Variants in FAM186A observed in about 807,000 individuals in gnomAD.
FAM186A encodes the protein protein FAM186A.
A neutral mutation model predicts 216.8 loss-of-function variants in FAM186A; 163 were observed. The observed-to-expected ratio is 0.75, with a 90% CI of 0.66 to 0.86. The LOEUF is 0.86. Ranked by LOEUF, FAM186A falls within the 40% of genes least tolerant of loss-of-function variation. FAM186A has a pLI of 0.00. For synonymous variants in FAM186A, 805 were observed against 1,025.3 expected (o/e 0.79, Z 4.10); for missense variants, 2,184 against 2,746.2 (o/e 0.80, Z 4.58).
chr12:50,373,028 AAAGAAAG>A, intron 1 of FAM186A, among the ~76,000 whole-genome samples: 1 of 148,324 alleles, frequency 6.7e-6, no homozygotes, highest in Admixed American at 6.8e-5. Context: ...AGAAAGAAAG[AAAGAAAG>A]AAAGAAAGAA....
chr12:50,346,220 G>GAGAGAAAGAAAGAAAGAAAGAAA, intron 4 of FAM186A, among the ~76,000 whole-genome samples: 1 of 46,742 alleles, frequency 2.1e-5, no homozygotes, highest in Non-Finnish European at 3.8e-5. Flanking sequence ...AGAGAGAGAA[G>GAGAGAAAGAAAGAAAGAAAGAAA]GAAAGAAAGA....
rs781622923 is a variant in FAM186A, at chr12:50,355,670, C to A, written c.1162G>T (p.Glu388Ter). 1.3e-6 allele frequency: 2 copies of A among 1,550,664 alleles called. No homozygotes were observed. Among genetic ancestry groups the A allele is most frequent in the Admixed American group, 2.0e-5 (1 of 50,758 alleles). The stretch of plus-strand genomic sequence containing the variant: ...TCCTTGGTCTCTTTTCTTTGGACTT[C>A]ATCTACAATATTTTCAAGTTCCTTG... ...LDKELENIVD[E>*]VQRKETKDSG... Residue 388 changes from glutamate (E) to a stop codon, truncating the protein, a stop_gained, in exon 4 of 8, where the codon GAA becomes TAA. Coordinates refer to ENST00000327337, the MANE Select transcript of FAM186A (RefSeq NM_001145475.3). LOFTEE classifies it high-confidence loss of function.
intron 4 of FAM186A, among the ~76,000 whole-genome samples, chr12:50,336,648 G>A (rs1942711151): frequency 1.3e-5 from 2 of 152,274 alleles, no homozygotes; most frequent in Non-Finnish European, 2.9e-5. Flanking sequence ...TCCAGGTGGA[G>A]AAATCCCATA....
chr12:50,391,896 A>G (rs1385328895), intron 1 of FAM186A, among the ~76,000 whole-genome samples: 104 of 152,308 alleles, frequency 6.8e-4, no homozygotes. Flanking sequence ...TGTTTATAGC[A>G]GCTTATTTGT....
chr12:50,382,519 G>A (rs769826963), intron 1 of FAM186A, among the ~76,000 whole-genome samples: 55 of 151,978 alleles, frequency 3.6e-4, no homozygotes, highest in Non-Finnish European at 6.5e-4. Flanking sequence ...GGCCAACATG[G>A]TGAAACCCTT....
chr12:50,331,539 G>A, intron 6 of FAM186A, 131 bp downstream of exon 6: 1 of 888,228 alleles, frequency 1.1e-6, no homozygotes. Context: ...ACCGCGCCCA[G>A]CCTAATACTC....
At position 50,353,303 on chromosome 12, in the gene FAM186A, G is replaced by A; in HGVS notation, c.3529C>T (p.Gln1177Ter). ...GGGGTGAGAGGGATCCCCAGGGCCT[G>A]GGCCTGCTGAGGGGTAAGAGGGATC... Reference protein sequence around the residue: ...LGIPLTPQQAQALGIPLTPQQ... With the variant: ...LGIPLTPQQA The change falls in exon 4 of 8, where the codon CAG (glutamine) becomes TAG (stop). Residue 1177 changes from glutamine to a stop codon, truncating the protein, a stop_gained. Coordinates refer to ENST00000327337, the MANE Select transcript of FAM186A (RefSeq NM_001145475.3). LOFTEE classifies it high-confidence loss of function. 1.9e-6 allele frequency: 3 copies of A among 1,544,444 alleles called. No homozygotes were observed. Among genetic ancestry groups the A allele is most frequent in the South Asian group, 1.2e-5 (1 of 83,446 alleles).
intron 1 of FAM186A, among the ~76,000 whole-genome samples, chr12:50,366,622 T>A (rs1943089868): frequency 3.0e-5 from 1 of 33,128 alleles, no homozygotes; most frequent in East Asian, 7.1e-4. Context: ...ATGAATAGAA[T>A]GACCAAAAAA....
rs368296233 is a variant in FAM186A at position 50,359,581 on chromosome 12, CAA to C, written c.583+1173_583+1174del. ...TTCGACTCCTAGCTATCTACCCCCC[CAA>C]AAAAAATGGGTAAATAATGGCATTA... On this transcript the variant is annotated intron_variant, in intron 3 of 7. Coordinates refer to ENST00000327337, the MANE Select transcript of FAM186A (RefSeq NM_001145475.3). Among the ~76,000 whole-genome samples, 318 of 151,912 alleles carry C rather than the reference CAA, an allele frequency of 2.1e-3. 1 individual carries two copies. The highest frequency in any genetic ancestry group is 7.5e-3 in the African/African-American group (311 of 41,424).
chr12:50,391,079 C>A (rs984547426), intron 1 of FAM186A, among the ~76,000 whole-genome samples: 1 of 151,866 alleles, frequency 6.6e-6, no homozygotes, highest in African/African-American at 2.4e-5. Flanking sequence ...ACCTCCACCT[C>A]CCAGATTCAA....
At chr12:50,359,197 G>A (rs1337333121) in intron 3 of FAM186A, among the ~76,000 whole-genome samples, 1 of 151,962 alleles carries the variant, frequency 6.6e-6, no homozygotes, top group Non-Finnish European at 1.5e-5. Flanking sequence ...TCAGGAGTTT[G>A]AGACCAGCCT....
At chr12:50,388,047 G>A (rs548840503) in intron 1 of FAM186A, among the ~76,000 whole-genome samples, 11 of 152,248 alleles carry the variant, frequency 7.2e-5, no homozygotes, top group African/African-American at 2.4e-4. Context: ...TGTCCTTTGG[G>A]TTTGTATGGA....
chr12:50,367,582 A>G lies in FAM186A; in HGVS notation c.193-4218T>C, dbSNP rs192302429. Among the ~76,000 whole-genome samples the G allele has an allele frequency of 3.9e-5, 6 of 152,130 alleles. No individual in the cohort carries two copies. In the East Asian group the frequency reaches 7.7e-4, roughly 20 times the overall value. On this transcript the variant is annotated intron_variant, in intron 1 of 7. Transcript: ENST00000327337. ...AATTTGGAAAGGAAAAAGTAAAATT[A>G]TCTCTGTTCATAGATAACATGATCT... is the stretch of plus-strand genomic sequence containing the variant.
Position 50,334,077 on chromosome 12 carries a change from G to A in FAM186A, c.6530C>T (p.Ala2177Val). 3.2e-6 allele frequency: 5 copies of A among 1,546,448 alleles called. No homozygotes were observed. Among genetic ancestry groups the A allele is most frequent in the Middle Eastern group, 1.7e-4 (1 of 5,972 alleles). Residue 2177 changes from alanine (A) to valine (V), a missense_variant, in exon 5 of 8, where the codon GCC becomes GTC. By Grantham distance (64) the Ala-to-Val change is moderately conservative. Around this residue, in one of 7 missense-constraint regions of FAM186A, gnomAD observed 721 missense variants for 816.4 expected, o/e 0.88. Transcript: ENST00000327337. ...ATAGCCTTTCCCAGTATTTTGGATG[G>A]CTTTTAGTCGTTTCATTATGTTGTT... ...ARNNIMKRLK[A>V]IQNTGKGYEA...
In FAM186A at chr12:50,350,917, C is replaced by T; in HGVS notation, c.5915G>A (p.Ser1972Asn). ...LKSKSVLIHP[S>N]APDFKVAQVP... ...TTGAGCTACCTTGAAATCTGGAGCA[C>T]TAGGATGGATCAATACTGATTTAGA... The change falls in exon 4 of 8, where the codon AGT becomes AAT. Residue 1972 changes from serine to asparagine, a missense_variant. This residue lies in a region of FAM186A where 721 missense variants were observed against 816.4 expected (regional missense o/e 0.88). Coordinates refer to ENST00000327337, the MANE Select transcript of FAM186A (RefSeq NM_001145475.3). 1 of 1,551,532 alleles carries T rather than the reference C, an allele frequency of 6.4e-7. No individual in the cohort carries two copies. Among genetic ancestry groups the T allele is most frequent in the East Asian group, 2.4e-5 (1 of 40,918 alleles).
At chr12:50,386,731 G>A (rs556022304) in intron 1 of FAM186A, among the ~76,000 whole-genome samples, 2 of 150,372 alleles carry the variant, frequency 1.3e-5, no homozygotes, top group Non-Finnish European at 1.5e-5. Flanking sequence ...ATGATGGTGC[G>A]CACCTGTAAT....
chr12:50,336,148 A>C (rs1942706371), intron 4 of FAM186A, among the ~76,000 whole-genome samples: 1 of 151,780 alleles, frequency 6.6e-6, no homozygotes, highest in Non-Finnish European at 1.5e-5. Context: ...AGAGTAATAA[A>C]GAAGGCTTTA....
Position 50,369,837 on chromosome 12 carries a change from A to C in FAM186A, c.193-6473T>G, listed in dbSNP as rs149360099. Among the ~76,000 whole-genome samples the C allele has an allele frequency of 1.0e-3, 156 of 151,798 alleles. 1 individual carries two copies. Among genetic ancestry groups the C allele is most frequent in the African/African-American group, 2.9e-3 (119 of 41,402 alleles). On this transcript the variant is annotated intron_variant, in intron 1 of 7. Transcript: ENST00000327337. ...AACCCCATCCCTACTAAAAATGCAAAATTTAGGCCGGGCGCGGTGGCTCAC... is the reference window on the plus strand; with the variant it reads ...AACCCCATCCCTACTAAAAATGCAACATTTAGGCCGGGCGCGGTGGCTCAC...
At chr12:50,395,128 T>C (rs1478139304) in intron 1 of FAM186A, among the ~76,000 whole-genome samples, 1 of 152,152 alleles carries the variant, frequency 6.6e-6, no homozygotes, top group Non-Finnish European at 1.5e-5. Flanking sequence ...AGGGTCTCGC[T>C]ATGTCACCCA....
Sources: allele counts gnomAD v4.1 joint callset (sites outside exome capture counted in the v4.1 genomes callset), GRCh38; gene constraint gnomAD v4.1.1; regional missense constraint gnomAD v4.1.1; transcripts MANE v1.5; gene names NCBI Gene and HGNC (gene_info 2026-07-23, HGNC 2026-07-21).